ELOVL6: variants seen among roughly 807,000 people sequenced by gnomAD.
ELOVL6 encodes the protein very long chain fatty acid elongase 6.
Under a neutral mutation model 31.7 loss-of-function variants are expected in ELOVL6, and 8 were observed. That is an observed-to-expected ratio of 0.25 (90% CI 0.15 to 0.45). The LOEUF is 0.45. ELOVL6 is among the 20% of genes least tolerant of loss of function. ELOVL6 has a pLI of 1.00. For synonymous variants in ELOVL6, 101 were observed against 117.7 expected, an observed-to-expected ratio of 0.86 and a Z score of 0.92; for missense variants, 126 against 326.4, an observed-to-expected ratio of 0.39 and a Z score of 4.73.
intron 1 of ELOVL6, among the ~76,000 whole-genome samples, chr4:110,148,671 G>C (rs1758196652): frequency 6.6e-6 from 1 of 152,136 alleles, no homozygotes; most frequent in South Asian, 2.1e-4. Flanking sequence ...AAATGCTTGA[G>C]GGGATGGATA....
chr4:110,082,615 G>A, intron 2 of ELOVL6, among the ~76,000 whole-genome samples: 1 of 151,686 alleles, frequency 6.6e-6, no homozygotes, highest in Non-Finnish European at 1.5e-5. Flanking sequence ...TAGGGAGGAG[G>A]GGTAGCATTA....
chr4:110,057,854 GAAAAAAAA>G (rs1248115566), intron 3 of ELOVL6, among the ~76,000 whole-genome samples: 1 of 131,722 alleles, frequency 7.6e-6, no homozygotes, highest in Non-Finnish European at 1.7e-5. Context: ...CTGTCTCAGG[GAAAAAAAA>G]AAAAAAAAAA....
chr4:110,096,199 A>G (rs1483127086), intron 2 of ELOVL6, among the ~76,000 whole-genome samples: 1 of 152,194 alleles, frequency 6.6e-6, no homozygotes, highest in Admixed American at 6.5e-5. Flanking sequence ...GACATTTTTG[A>G]GAGTGAAGAA....
chr4:110,079,885 G>A (rs1321641215), intron 2 of ELOVL6, among the ~76,000 whole-genome samples: 1 of 151,996 alleles, frequency 6.6e-6, no homozygotes, highest in East Asian at 1.9e-4. Flanking sequence ...TCAAATAGAT[G>A]CAATAAAAAA....
Position 110,170,585 on chromosome 4 carries a change from A to C in ELOVL6, c.89+27662T>G, listed in dbSNP as rs185462897. ...TAAACAAATGTCCTTTTTGCAGTGTACTTGGTCCTACCTTTCTTACATTTT... is the reference window on the plus strand; with the variant it reads ...TAAACAAATGTCCTTTTTGCAGTGTCCTTGGTCCTACCTTTCTTACATTTT... On this transcript the variant is annotated intron_variant, in intron 1 of 3. Transcript: ENST00000302274. Among the ~76,000 whole-genome samples the C allele has an allele frequency of 2.6e-5, 4 of 152,184 alleles. No individual in the cohort carries two copies. In the East Asian group the frequency reaches 7.7e-4, roughly 29 times the overall value.
chr4:110,176,401 C>T (rs890103723), intron 1 of ELOVL6, among the ~76,000 whole-genome samples: 2 of 152,134 alleles, frequency 1.3e-5, no homozygotes, highest in African/African-American at 2.4e-5. Context: ...ACTTTGTGAT[C>T]TGCCCACCTT....
chr4:110,178,795 G>A (rs1200201936), intron 1 of ELOVL6, among the ~76,000 whole-genome samples: 1 of 152,134 alleles, frequency 6.6e-6, no homozygotes, highest in African/African-American at 2.4e-5. Flanking sequence ...TGAGGCTGCA[G>A]CAGCCTCGGT....
chr4:110,185,313 T>C (rs1339285511), intron 1 of ELOVL6, among the ~76,000 whole-genome samples: 2 of 152,198 alleles, frequency 1.3e-5, no homozygotes, highest in Admixed American at 6.5e-5. Flanking sequence ...CCTTAAATTT[T>C]GTAGAATGTC....
intron 1 of ELOVL6, among the ~76,000 whole-genome samples, chr4:110,131,111 A>G (rs577385877): frequency 3.0e-4 from 45 of 152,326 alleles, no homozygotes; most frequent in Admixed American, 2.0e-3. Context: ...ATTGAACTGA[A>G]AATAATGAAG....
chr4:110,173,448 C>T (rs887398896), intron 1 of ELOVL6, among the ~76,000 whole-genome samples: 1 of 151,666 alleles, frequency 6.6e-6, no homozygotes, highest in Non-Finnish European at 1.5e-5. Context: ...TTGTATTAGA[C>T]CTGATAAGAA....
rs561361587 is a variant in ELOVL6 at position 110,074,230 on chromosome 4, A to G, written c.222-14476T>C. Among the ~76,000 whole-genome samples, 169 of 152,340 alleles carry G rather than the reference A, an allele frequency of 1.1e-3. 2 individuals are homozygous for G. The highest frequency in any genetic ancestry group is 2.1e-3 in the Non-Finnish European group (145 of 68,030). On this transcript the variant is annotated intron_variant, in intron 2 of 3. Transcript: ENST00000302274. ...ATAACCTGTGTCCATCTTCCCATAT[A>G]CTTTAAAACATCTCCAGGATTACTT...
At chr4:110,099,109 G>C (rs1167137842) in intron 2 of ELOVL6, among the ~76,000 whole-genome samples, 1 of 152,002 alleles carries the variant, frequency 6.6e-6, no homozygotes, top group Non-Finnish European at 1.5e-5. Context: ...AACAGCTTCA[G>C]TTAGTTTTAT....
chr4:110,074,554 T>C (rs10033691), intron 2 of ELOVL6, among the ~76,000 whole-genome samples: 16,763 of 152,132 alleles, frequency 0.11, 1,105 homozygotes, highest in East Asian at 0.18. Flanking sequence ...GGATAAGACA[T>C]TAGGTACTGG....
intron 1 of ELOVL6, among the ~76,000 whole-genome samples, chr4:110,134,687 G>A (rs956628450): frequency 6.6e-6 from 1 of 152,180 alleles, no homozygotes; most frequent in Admixed American, 6.5e-5. Context: ...TGAACTGGGT[G>A]TGGTAGCTCA....
intron 2 of ELOVL6, among the ~76,000 whole-genome samples, chr4:110,101,248 C>T (rs1221917803): frequency 6.6e-6 from 1 of 152,142 alleles, no homozygotes; most frequent in Non-Finnish European, 1.5e-5. Flanking sequence ...CCACGTTGGC[C>T]AGGCTAGTCT....
intron 1 of ELOVL6, among the ~76,000 whole-genome samples, chr4:110,139,660 A>G (rs2126260623): frequency 6.6e-6 from 1 of 152,256 alleles, no homozygotes; most frequent in African/African-American, 2.4e-5. Flanking sequence ...TTTTTAAGCA[A>G]AAGTCAGCTT....
chr4:110,096,568 G>A (rs572935700), intron 2 of ELOVL6, among the ~76,000 whole-genome samples: 1 of 152,242 alleles, frequency 6.6e-6, no homozygotes, highest in African/African-American at 2.4e-5. Context: ...CAAGGGGGTG[G>A]GTGGGGATCT....
intron 1 of ELOVL6, among the ~76,000 whole-genome samples, chr4:110,132,326 G>A (rs1757692011): frequency 6.6e-6 from 1 of 152,108 alleles, no homozygotes; most frequent in Non-Finnish European, 1.5e-5. Flanking sequence ...GATGCTTAAG[G>A]TGGTAGAAGC....
At chr4:110,113,014 G>A (rs1196718126) in intron 1 of ELOVL6, among the ~76,000 whole-genome samples, 1 of 151,934 alleles carries the variant, frequency 6.6e-6, no homozygotes, top group Admixed American at 6.6e-5. Flanking sequence ...CACGAGGTCA[G>A]GGGATGGAGA....
Sources: allele counts gnomAD v4.1 joint callset (sites outside exome capture counted in the v4.1 genomes callset), GRCh38; gene constraint gnomAD v4.1.1; transcripts MANE v1.5; gene names NCBI Gene and HGNC (gene_info 2026-07-23, HGNC 2026-07-21).